Variants in LPCAT1 observed in about 807,000 individuals in gnomAD.
The protein encoded by LPCAT1 is 1-acylglycerol-3-phosphate O-acyltransferase.
Under a neutral mutation model 60.9 loss-of-function variants are expected in LPCAT1, and 23 were observed. The ratio of observed to expected loss-of-function variants is 0.38; its 90% CI spans 0.27 to 0.53. The LOEUF (loss-of-function observed/expected upper bound fraction) is 0.53, where lower values mean the gene tolerates loss of function less well. LPCAT1 is among the 20% of genes least tolerant of loss of function. LPCAT1 has a pLI of 0.82. For missense variants in LPCAT1, 622 were observed against 723.6 expected (o/e 0.86, Z 1.61); for synonymous variants, 340 against 301.1 (o/e 1.13, Z -1.34).
Position 1,463,439 on chromosome 5 carries a change from G to T in LPCAT1, c.*212C>A. On this transcript the variant is annotated 3_prime_UTR_variant, in exon 14 of 14. Transcript: ENST00000283415. ...CAGGCCAGGCGGGGGATCCGCGTGCGCGCCCTCCGATTCTCGCACAGTAAG... is the reference window on the plus strand; with the variant it reads ...CAGGCCAGGCGGGGGATCCGCGTGCTCGCCCTCCGATTCTCGCACAGTAAG... 1.7e-6 allele frequency: 1 copy of T among 594,230 alleles called. No homozygotes were observed. 36.8% of individuals were successfully genotyped at this position (594,230 alleles called of 1,614,324 possible). A position where few individuals can be genotyped will look rare whatever the true frequency, so the allele number is the denominator to read the frequency against.
chr5:1,516,985 G>A (rs534121756), intron 1 of LPCAT1, among the ~76,000 whole-genome samples: 1 of 152,336 alleles, frequency 6.6e-6, no homozygotes, highest in African/African-American at 2.4e-5. Context: ...ACAGCAAAAA[G>A]TATCCCCCAG....
At position 1,461,441 on chromosome 5, in the gene LPCAT1, CT is replaced by C. The variant is rs1734086830; in HGVS notation, c.*2209del. 6.6e-6 allele frequency: 1 copy of C among 152,244 alleles called. No homozygotes were observed. The highest frequency in any genetic ancestry group is 1.5e-5 in the Non-Finnish European group (1 of 68,050). The allele number at this position is 152,244 out of a possible 1,614,324, so 9.4% of individuals were successfully genotyped here. A position where few individuals can be genotyped will look rare whatever the true frequency, so the allele number is the denominator to read the frequency against. ...AAACAACATCATTCCCAAGTATAGA[CT>C]TTATGTTTTACTTATTCCATTGAAA... On this transcript the variant is annotated 3_prime_UTR_variant, in exon 14 of 14. Coordinates refer to ENST00000283415, the MANE Select transcript of LPCAT1 (RefSeq NM_024830.5).
At chr5:1,472,209 A>T (rs1322252431) in intron 11 of LPCAT1, among the ~76,000 whole-genome samples, 1 of 150,620 alleles carries the variant, frequency 6.6e-6, no homozygotes, top group Admixed American at 6.6e-5. Context: ...GGTGAGGAGC[A>T]CCCAGGGGCG....
rs1201708172 is a variant in LPCAT1, at chr5:1,494,676, T to A, written c.493+24A>T. The stretch of plus-strand genomic sequence containing the variant: ...CTCCCAGCAGGGCAGGGTCCCTCAC[T>A]CCCAGCAGGGGTGTCTCACTCACTT... On this transcript the variant is annotated intron_variant, in intron 3 of 13. Transcript: ENST00000283415. The A allele has an allele frequency of 1.9e-6, 3 of 1,606,112 alleles. No individual in the cohort carries two copies. The South Asian group carries it at 3.3e-5, about 18-fold the overall frequency.
chr5:1,469,147 G>C (rs2937659), intron 12 of LPCAT1, among the ~76,000 whole-genome samples: 3,653 of 152,272 alleles, frequency 0.024, 157 homozygotes, highest in African/African-American at 0.084. Flanking sequence ...CCATATCAGC[G>C]GCCTGGAAGC....
intron 1 of LPCAT1, among the ~76,000 whole-genome samples, chr5:1,514,460 C>G (rs1006469158): frequency 6.6e-6 from 1 of 152,204 alleles, no homozygotes; most frequent in African/African-American, 2.4e-5. Context: ...TCCTGAGCCC[C>G]AGGCTGTGTC....
At chr5:1,509,339 C>G (rs1039567048) in intron 1 of LPCAT1, among the ~76,000 whole-genome samples, 24 of 152,242 alleles carry the variant, frequency 1.6e-4, no homozygotes, top group African/African-American at 5.1e-4. Context: ...TATCCCAACT[C>G]CACAGGATAT....
intron 12 of LPCAT1, among the ~76,000 whole-genome samples, chr5:1,467,793 C>G (rs913352162): frequency 2.6e-5 from 4 of 152,184 alleles, no homozygotes; most frequent in Non-Finnish European, 4.4e-5. Context: ...CGCTCCAACC[C>G]CTGGGCTCCC....
In LPCAT1 at chr5:1,495,354, AG is replaced by A. The variant is rs1735751755; in HGVS notation, c.279-441del. On this transcript the variant is annotated intron_variant, in intron 2 of 13. Coordinates refer to ENST00000283415, the MANE Select transcript of LPCAT1 (RefSeq NM_024830.5). This position sits in a 1 kb window ranked among gnomAD's most constrained non-coding sequence, Gnocchi z 4.7. ...ATGGGGGGGGGGGCGCTCAGAGCTG[AG>A]GGCGGAAGCTGAGACCTGCGTGCGA... is the stretch of plus-strand genomic sequence containing the variant. Among the ~76,000 whole-genome samples the A allele has an allele frequency of 2.6e-5, 4 of 151,290 alleles. No individual in the cohort carries two copies. Among genetic ancestry groups the A allele is most frequent in the Admixed American group, 2.6e-4 (4 of 15,210 alleles).
In LPCAT1 at chr5:1,523,803, G is replaced by A; in HGVS notation, c.42C>T (p.Ser14=). The A allele has an allele frequency of 1.8e-6, 2 of 1,099,338 alleles. No individual in the cohort carries two copies. The highest frequency in any genetic ancestry group is 2.2e-6 in the Non-Finnish European group (2 of 903,512). The allele number at this position is 1,099,338 out of a possible 1,614,324, so 68.1% of individuals were successfully genotyped here. Residue 14 remains serine (S), a synonymous_variant, in exon 1 of 14, where the codon TCC becomes TCT. Transcript: ENST00000283415. This position sits in a 1 kb window ranked among gnomAD's most constrained non-coding sequence, Gnocchi z 7.1. ...GCCGAGCGTCGCTGGCCCCTGCGCT[G>A]GAGGCAGGGGCGGCCCGGGGTCCGC... The part of the protein sequence containing the change: ...RGCGPRAAPA[S]SAGASDARLL...
At chr5:1,497,607 G>A (rs1215169088) in intron 2 of LPCAT1, among the ~76,000 whole-genome samples, 1 of 152,238 alleles carries the variant, frequency 6.6e-6, no homozygotes, top group African/African-American at 2.4e-5. Flanking sequence ...GTCAGGGACG[G>A]CCCCTGGGTG....
intron 13 of LPCAT1, 146 bp from the exon 14 acceptor site, chr5:1,463,981 G>A: frequency 1.2e-6 from 1 of 832,518 alleles, no homozygotes; most frequent in Non-Finnish European, 1.9e-6. Context: ...ATGCTTTCAG[G>A]GTGGAGAGAA....
chr5:1,468,888 A>G (rs575092175), intron 12 of LPCAT1, among the ~76,000 whole-genome samples: 13 of 152,278 alleles, frequency 8.5e-5, no homozygotes, highest in African/African-American at 3.1e-4. Context: ...CTCTCACACG[A>G]GACTGCTCCG....
In LPCAT1 at chr5:1,523,474, T is replaced by G. The variant is rs1433514819; in HGVS notation, c.135+236A>C. ...GAAGCGGGGACCCCGAGGAAGGCGC[T>G]GAGGGACCAGGATGCGCGTGCGGGC... On this transcript the variant is annotated intron_variant, in intron 1 of 13. Coordinates refer to ENST00000283415, the MANE Select transcript of LPCAT1 (RefSeq NM_024830.5). The surrounding 1 kb of genome is among the most constrained non-coding windows in gnomAD (Gnocchi z 7.1). Among the ~76,000 whole-genome samples, 1 of 151,198 alleles carries G rather than the reference T, an allele frequency of 6.6e-6. No homozygotes were observed. The highest frequency in any genetic ancestry group is 1.5e-5 in the Non-Finnish European group (1 of 67,738).
In LPCAT1 at chr5:1,494,687, G is replaced by A. The variant is rs1735712207; in HGVS notation, c.493+13C>T. The A allele has an allele frequency of 3.1e-6, 5 of 1,612,114 alleles. No individual in the cohort carries two copies. Among genetic ancestry groups the A allele is most frequent in the Non-Finnish European group, 3.4e-6 (4 of 1,178,158 alleles). ...GCAGGGTCCCTCACTCCCAGCAGGG[G>A]TGTCTCACTCACTTCCCCAGATCGG... On this transcript the variant is annotated intron_variant, in intron 3 of 13. Coordinates refer to ENST00000283415, the MANE Select transcript of LPCAT1 (RefSeq NM_024830.5).
At chr5:1,485,556 G>A (rs1315475440) in intron 5 of LPCAT1, among the ~76,000 whole-genome samples, 2 of 152,172 alleles carry the variant, frequency 1.3e-5, no homozygotes, top group African/African-American at 4.8e-5. Flanking sequence ...GCAACAATGA[G>A]GCTGGAAGAT....
chr5:1,470,980 G>T (rs775152052), intron 11 of LPCAT1, 56 bp from the exon 12 acceptor site: 7 of 1,482,490 alleles, frequency 4.7e-6, no homozygotes, highest in Non-Finnish European at 6.5e-6. Flanking sequence ...CTGGAGAAAC[G>T]CCAGGGTTTC....
In LPCAT1 at chr5:1,483,704, C is replaced by T. The variant is rs1373753948; in HGVS notation, c.668-218G>A. On this transcript the variant is annotated intron_variant, in intron 5 of 13. Transcript: ENST00000283415. The surrounding 1 kb of genome is among the most constrained non-coding windows in gnomAD (Gnocchi z 9.2). ...GCAGGAACATCGGCCAGGGGCGCTCCCCGGCCAAGGAACACTTTCTGTTTT... is the reference window on the plus strand; with the variant it reads ...GCAGGAACATCGGCCAGGGGCGCTCTCCGGCCAAGGAACACTTTCTGTTTT... 6.6e-6 allele frequency among the ~76,000 whole-genome samples: 1 copy of T among 152,244 alleles called. No individual in the cohort carries two copies. Among genetic ancestry groups the T allele is most frequent in the African/African-American group, 2.4e-5 (1 of 41,468 alleles).
rs376728672 is a variant in LPCAT1 at position 1,464,817 on chromosome 5, G to T, written c.1421-982C>A. ...ACACACACAAAACAAGCACACACAC[G>T]GTAATCACACATGCACGTACACACA... On this transcript the variant is annotated intron_variant, in intron 13 of 13. Transcript: ENST00000283415. Among the ~76,000 whole-genome samples, 5 of 141,010 alleles carry T rather than the reference G, an allele frequency of 3.5e-5. No homozygotes were observed. In the East Asian group the frequency reaches 8.8e-4, roughly 25 times the overall value. 92.5% of individuals were successfully genotyped at this position (141,010 alleles called of 152,430 possible).
Sources: allele counts gnomAD v4.1 joint callset (sites outside exome capture counted in the v4.1 genomes callset), GRCh38; gene constraint gnomAD v4.1.1; non-coding constraint Gnocchi (gnomAD v3.1); transcripts MANE v1.5; gene names NCBI Gene and HGNC (gene_info 2026-07-23, HGNC 2026-07-21).